Variants in CDH4 observed in about 807,000 individuals in gnomAD.
CDH4 encodes cadherin 4.
Under a neutral mutation model 86.0 loss-of-function variants are expected in CDH4, and 33 were observed. The ratio of observed to expected loss-of-function variants is 0.38; its 90% CI spans 0.29 to 0.51. The LOEUF (loss-of-function observed/expected upper bound fraction) is 0.51. CDH4 is among the 20% of genes least tolerant of loss of function. CDH4 has a pLI of 0.86. For missense variants in CDH4, 1,114 were observed against 1,307.4 expected, an observed-to-expected ratio of 0.85 and a Z score of 2.28; for synonymous variants, 555 against 549.4, an observed-to-expected ratio of 1.01 and a Z score of -0.14.
intron 2 of CDH4, among the ~76,000 whole-genome samples, chr20:61,292,870 C>T (rs369480945): frequency 1.3e-5 from 2 of 152,254 alleles, no homozygotes; most frequent in East Asian, 1.9e-4. Flanking sequence ...CCTCTGGTAT[C>T]AGCAGTCCAG....
At chr20:61,884,255 G>A (rs1344893419) in intron 7 of CDH4, among the ~76,000 whole-genome samples, 1 of 152,198 alleles carries the variant, frequency 6.6e-6, no homozygotes, top group Non-Finnish European at 1.5e-5. Context: ...AAACCCACAA[G>A]AGCTGAGGCA....
At chr20:61,706,812 T>G (rs1360459446) in intron 2 of CDH4, among the ~76,000 whole-genome samples, 3 of 152,192 alleles carry the variant, frequency 2.0e-5, no homozygotes, top group African/African-American at 7.2e-5. Flanking sequence ...CCAACCGGAA[T>G]GAGTCATGTG....
intron 2 of CDH4, chr20:61,718,841 T>C (rs2087995871): frequency 2.1e-6 from 1 of 471,158 alleles, no homozygotes; most frequent in Non-Finnish European, 4.4e-6. Context: ...GACAGCTGGC[T>C]CTATCTTGGA....
chr20:61,826,570 G>A (rs946003702), intron 4 of CDH4, among the ~76,000 whole-genome samples: 1 of 152,216 alleles, frequency 6.6e-6, no homozygotes, highest in South Asian at 2.1e-4. Flanking sequence ...GGGTGGGGGT[G>A]GTTTCAAGAA....
chr20:61,856,299 C>T (rs34217714), intron 6 of CDH4, among the ~76,000 whole-genome samples: 44,749 of 152,086 alleles, frequency 0.29, 8,299 homozygotes, highest in Non-Finnish European at 0.41. Flanking sequence ...ACTTCGAAGG[C>T]TTGGGGAGTT....
intron 2 of CDH4, among the ~76,000 whole-genome samples, chr20:61,446,967 G>C (rs2085353834): frequency 6.6e-6 from 1 of 152,118 alleles, no homozygotes; most frequent in African/African-American, 2.4e-5. Flanking sequence ...TTGTAAATTA[G>C]TCATCTCTTT....
chr20:61,912,514 A>G (rs1408436300), intron 9 of CDH4, among the ~76,000 whole-genome samples: 2 of 152,230 alleles, frequency 1.3e-5, no homozygotes, highest in East Asian at 3.8e-4. Flanking sequence ...ATAATAGTGA[A>G]ATGAACTTCC....
intron 2 of CDH4, among the ~76,000 whole-genome samples, chr20:61,716,727 G>C (rs1479803029): frequency 1.3e-5 from 2 of 152,136 alleles, no homozygotes; most frequent in Non-Finnish European, 2.9e-5. Context: ...TGGCCAACAT[G>C]GTGAAACCCC....
chr20:61,807,584 T>TGTTC lies in CDH4; in HGVS notation c.576+34403_576+34406dup, dbSNP rs1169816572. On this transcript the variant is annotated intron_variant, in intron 4 of 15. Coordinates refer to ENST00000614565, the MANE Select transcript of CDH4 (RefSeq NM_001794.5). The surrounding 1 kb of genome is among the most constrained non-coding windows in gnomAD (Gnocchi z 4.5). ...CGAGGGGAGTGTGACCAAGGGCAGG[T>TGTTC]GTTCCGTGCAGGGCTGGTTGGTGTG... Among the ~76,000 whole-genome samples, 3 of 152,106 alleles carry TGTTC rather than the reference T, an allele frequency of 2.0e-5. No homozygotes were observed. The highest frequency in any genetic ancestry group is 4.4e-5 in the Non-Finnish European group (3 of 68,014).
At chr20:61,371,335 C>T (rs898305170) in intron 2 of CDH4, among the ~76,000 whole-genome samples, 3 of 152,148 alleles carry the variant, frequency 2.0e-5, no homozygotes, top group African/African-American at 7.2e-5. Flanking sequence ...GCTCTGAGGC[C>T]GGGGTTGGAT....
At chr20:61,822,076 G>GGC (rs1049620414) in intron 4 of CDH4, among the ~76,000 whole-genome samples, 2 of 152,212 alleles carry the variant, frequency 1.3e-5, no homozygotes, top group African/African-American at 4.8e-5. Context: ...AGGAAGGTGG[G>GGC]GCTCTGCGCT....
At chr20:61,457,504 G>A (rs2085414168) in intron 2 of CDH4, among the ~76,000 whole-genome samples, 1 of 152,192 alleles carries the variant, frequency 6.6e-6, no homozygotes, top group Non-Finnish European at 1.5e-5. Flanking sequence ...AGTGATGGGG[G>A]ACAGGTGACA....
intron 2 of CDH4, among the ~76,000 whole-genome samples, chr20:61,577,049 T>C (rs2086387348): frequency 1.3e-5 from 2 of 152,270 alleles, no homozygotes; most frequent in African/African-American, 2.4e-5. Context: ...ATAAATGTTT[T>C]GTGTGTTAAA....
intron 2 of CDH4, among the ~76,000 whole-genome samples, chr20:61,731,157 T>TCC (rs559883410): frequency 2.0e-5 from 3 of 151,066 alleles, no homozygotes; most frequent in Non-Finnish European, 4.4e-5. Context: ...GGCGTCCGAG[T>TCC]CCCCCCCTCA....
chr20:61,697,153 G>A (rs34089196), intron 2 of CDH4, among the ~76,000 whole-genome samples: 10 of 152,264 alleles, frequency 6.6e-5, no homozygotes, highest in African/African-American at 2.2e-4. Context: ...GCAAACATTC[G>A]GATGTGCGGA....
At chr20:61,798,816 C>T (rs979819420) in intron 4 of CDH4, among the ~76,000 whole-genome samples, 6 of 152,180 alleles carry the variant, frequency 3.9e-5, no homozygotes, top group Admixed American at 2.0e-4. Context: ...CTGTGTGTCC[C>T]GAGTCCAGCC....
chr20:61,369,892 A>T (rs936492963), intron 2 of CDH4: 7 of 152,492 alleles, frequency 4.6e-5, no homozygotes, highest in African/African-American at 1.7e-4. Flanking sequence ...AAGCGCCCCC[A>T]GTGGGGAGGA....
intron 2 of CDH4, among the ~76,000 whole-genome samples, chr20:61,538,982 T>C (rs1055384774): frequency 2.0e-5 from 3 of 152,134 alleles, no homozygotes; most frequent in Admixed American, 6.5e-5. Context: ...GTTGTGGCCA[T>C]CAAGAAACCT....
chr20:61,688,186 G>A (rs903687458), intron 2 of CDH4, among the ~76,000 whole-genome samples: 1 of 151,990 alleles, frequency 6.6e-6, no homozygotes, highest in Non-Finnish European at 1.5e-5. Context: ...GTGACGTCGT[G>A]ACCAGAAACA....
Sources: allele counts gnomAD v4.1 joint callset (sites outside exome capture counted in the v4.1 genomes callset), GRCh38; gene constraint gnomAD v4.1.1; non-coding constraint Gnocchi (gnomAD v3.1); transcripts MANE v1.5; gene names NCBI Gene and HGNC (gene_info 2026-07-23, HGNC 2026-07-21).